The following PCSK5 variants were observed in gnomAD, a reference collection of about 807,000 sequenced individuals.
PCSK5 encodes the protein proprotein convertase subtilisin/kexin type 5.
Under a neutral mutation model 233.2 loss-of-function variants are expected in PCSK5, and 129 were observed. That is an observed-to-expected ratio of 0.55 (90% CI 0.48 to 0.64). The LOEUF (loss-of-function observed/expected upper bound fraction) is 0.64, where lower values mean the gene tolerates loss of function less well. Among genes scored for constraint, PCSK5 ranks in the 30% least tolerant of loss-of-function variants. PCSK5 has a pLI of 0.00. For missense variants in PCSK5, 2,076 were observed against 2,430.1 expected (o/e 0.85, Z 3.06); for synonymous variants, 825 against 879.2 (o/e 0.94, Z 1.09).
intron 8 of PCSK5, 148 bp from the exon 9 acceptor site, chr9:76,107,103 T>TGATA: frequency 1.9e-6 from 1 of 534,196 alleles, no homozygotes; most frequent in Non-Finnish European, 3.3e-6. Flanking sequence ...TCTCTGGAAG[T>TGATA]GATATGATTT....
At chr9:75,955,356 A>G (rs543782838) in intron 2 of PCSK5, among the ~76,000 whole-genome samples, 1 of 152,290 alleles carries the variant, frequency 6.6e-6, no homozygotes, top group East Asian at 1.9e-4. Context: ...ATGGTTGGAA[A>G]ATCAGCTTGC....
Position 76,064,155 on chromosome 9 carries a change from C to A in PCSK5, c.633-3800C>A, listed in dbSNP as rs1372287520. The stretch of plus-strand genomic sequence containing the variant: ...GAGGGCTGACCCCCCCACCTCCCTC[C>A]CGGACGGGGCGGCTGGCCAGGCGGG... On this transcript the variant is annotated intron_variant, in intron 5 of 37. Transcript: ENST00000674117. Among the ~76,000 whole-genome samples, 4 of 129,632 alleles carry A rather than the reference C, an allele frequency of 3.1e-5. No homozygotes were observed. The East Asian group carries it at 9.5e-4, about 31-fold the overall frequency. The allele number at this position is 129,632 out of a possible 152,430, so 85.0% of individuals were successfully genotyped here. A position where few individuals can be genotyped will look rare whatever the true frequency, so the allele number is the denominator to read the frequency against.
chr9:75,903,590 A>ATATATATT (rs1564071257), intron 1 of PCSK5, among the ~76,000 whole-genome samples: 4 of 122,746 alleles, frequency 3.3e-5, no homozygotes, highest in African/African-American at 1.5e-4. Context: ...ATATATATAA[A>ATATATATT]ATATATATTA....
intron 26 of PCSK5, 53 bp from the exon 27 acceptor site, chr9:76,296,612 G>C: frequency 8.2e-7 from 1 of 1,217,556 alleles, no homozygotes; most frequent in Non-Finnish European, 1.2e-6. Context: ...TTAGAACTTG[G>C]CCTTGCAAAG....
At chr9:76,289,510 C>CACACAT (rs1308225226) in intron 24 of PCSK5, among the ~76,000 whole-genome samples, 1 of 115,954 alleles carries the variant, frequency 8.6e-6, no homozygotes, top group Admixed American at 8.2e-5. Context: ...CACACACACA[C>CACACAT]GCAACATACA....
Position 76,308,741 on chromosome 9 carries a change from C to A in PCSK5, c.3688+13C>A. On this transcript the variant is annotated intron_variant, in intron 29 of 37. Transcript: ENST00000674117. ...TCATGTCCCAAAGGTTAGTGTGTTG[C>A]GTGACAGAAGATGGCAGCAGTCAAG... 1.9e-6 allele frequency: 3 copies of A among 1,570,466 alleles called. No individual in the cohort carries two copies. The highest frequency in any genetic ancestry group is 2.6e-6 in the Non-Finnish European group (3 of 1,142,290).
At chr9:76,124,405 C>T (rs1181450956) in intron 9 of PCSK5, among the ~76,000 whole-genome samples, 3 of 152,130 alleles carry the variant, frequency 2.0e-5, no homozygotes, top group African/African-American at 7.2e-5. Context: ...TGTTTCCTGT[C>T]CTCCAAATCC....
At chr9:75,910,706 C>G (rs1277112492) in intron 1 of PCSK5, among the ~76,000 whole-genome samples, 1 of 151,954 alleles carries the variant, frequency 6.6e-6, no homozygotes, top group Non-Finnish European at 1.5e-5. Context: ...ATAGAGAACT[C>G]TCTTTCTGCT....
chr9:75,901,551 T>C (rs929463932), intron 1 of PCSK5, among the ~76,000 whole-genome samples: 2 of 150,624 alleles, frequency 1.3e-5, no homozygotes, highest in Admixed American at 6.6e-5. Flanking sequence ...GACGGGTTGA[T>C]GGGTGCAGCA....
intron 18 of PCSK5, 53 bp downstream of exon 18, chr9:76,188,728 T>C (rs1267354153): frequency 7.1e-7 from 1 of 1,399,058 alleles, no homozygotes; most frequent in Admixed American, 1.7e-5. Context: ...TTGCTTTTCT[T>C]TCTGGTTTGG....
intron 10 of PCSK5, among the ~76,000 whole-genome samples, chr9:76,147,090 C>T (rs1172913927): frequency 6.6e-6 from 1 of 152,126 alleles, no homozygotes; most frequent in African/African-American, 2.4e-5. Flanking sequence ...CACCTTTGTA[C>T]ACTGAGCATG....
chr9:75,958,843 C>CTT (rs1182294598), intron 2 of PCSK5, among the ~76,000 whole-genome samples: 1 of 152,192 alleles, frequency 6.6e-6, no homozygotes, highest in African/African-American at 2.4e-5. Flanking sequence ...ACATTGTAAA[C>CTT]TTGAAAGCAT....
intron 7 of PCSK5, among the ~76,000 whole-genome samples, chr9:76,072,765 C>A (rs911267834): frequency 6.6e-6 from 1 of 152,122 alleles, no homozygotes; most frequent in Non-Finnish European, 1.5e-5. Flanking sequence ...GCATAGCTCC[C>A]GTGCCCCATC....
At chr9:75,914,647 A>T (rs989911692) in intron 1 of PCSK5, among the ~76,000 whole-genome samples, 21 of 152,264 alleles carry the variant, frequency 1.4e-4, no homozygotes, top group Middle Eastern at 3.4e-3. Context: ...AGTATCTTCA[A>T]GTTCTATTAT....
chr9:75,922,835 C>T (rs765436443), intron 1 of PCSK5, among the ~76,000 whole-genome samples: 28 of 152,278 alleles, frequency 1.8e-4, no homozygotes, highest in Middle Eastern at 6.8e-3. Flanking sequence ...GGTGCTTATT[C>T]AACTTGCTGT....
intron 1 of PCSK5, among the ~76,000 whole-genome samples, chr9:75,906,197 G>A (rs752290995): frequency 6.6e-6 from 1 of 152,104 alleles, no homozygotes; most frequent in African/African-American, 2.4e-5. Flanking sequence ...GTTGGTCAGG[G>A]AGACTCACTG....
At chr9:76,315,993 C>G (rs1440034244) in intron 30 of PCSK5, among the ~76,000 whole-genome samples, 1 of 140,714 alleles carries the variant, frequency 7.1e-6, no homozygotes, top group Non-Finnish European at 1.5e-5. Flanking sequence ...AGCATCTCAT[C>G]CAACATCCAC....
chr9:76,118,949 A>G (rs933960296), intron 9 of PCSK5, among the ~76,000 whole-genome samples: 1 of 151,874 alleles, frequency 6.6e-6, no homozygotes, highest in Admixed American at 6.6e-5. Flanking sequence ...CATGTTGTTC[A>G]TTTTGTTGTT....
intron 32 of PCSK5, among the ~76,000 whole-genome samples, chr9:76,324,307 C>T (rs185508333): frequency 7.4e-4 from 112 of 151,814 alleles, no homozygotes; most frequent in Non-Finnish European, 1.1e-3. Flanking sequence ...CTCAGCTCAT[C>T]GCAGCCTCCA....
Sources: allele counts gnomAD v4.1 joint callset (sites outside exome capture counted in the v4.1 genomes callset), GRCh38; gene constraint gnomAD v4.1.1; transcripts MANE v1.5; gene names NCBI Gene and HGNC (gene_info 2026-07-23, HGNC 2026-07-21).